Variants in MIR2052HG observed in about 807,000 individuals in gnomAD.
The protein encoded by MIR2052HG is MIR2052 host gene.
intron 1 of MIR2052HG, chr8:74,604,234 C>T: frequency 2.2e-6 from 2 of 892,800 alleles, no homozygotes; most frequent in Non-Finnish European, 3.8e-6. Flanking sequence ...TTCAATCACA[C>T]TGGTTTCCAT....
intron 4 of MIR2052HG, among the ~76,000 whole-genome samples, chr8:74,746,930 G>A (rs1273471036): frequency 6.6e-6 from 1 of 152,108 alleles, no homozygotes; most frequent in Non-Finnish European, 1.5e-5. Flanking sequence ...GAGTTACCAT[G>A]CTCTTTAAAA....
chr8:74,746,151 C>T (rs1212763023), intron 4 of MIR2052HG, among the ~76,000 whole-genome samples: 3 of 152,096 alleles, frequency 2.0e-5, no homozygotes, highest in South Asian at 2.1e-4. Flanking sequence ...CTCAATCACT[C>T]GCAATGTATT....
At chr8:74,605,233 C>A (rs182240677) in intron 1 of MIR2052HG, among the ~76,000 whole-genome samples, 2 of 152,270 alleles carry the variant, frequency 1.3e-5, no homozygotes, top group Non-Finnish European at 2.9e-5. Flanking sequence ...TGAGGGGTAA[C>A]TGACCGAATT....
At chr8:74,706,807 C>A (rs574758641) in intron 4 of MIR2052HG, among the ~76,000 whole-genome samples, 1 of 152,112 alleles carries the variant, frequency 6.6e-6, no homozygotes, top group East Asian at 1.9e-4. Context: ...GACTGGACAG[C>A]TCTCAGAAAA....
In MIR2052HG at chr8:74,640,091, A is replaced by C. The variant is rs150236194; in HGVS notation, n.216+27151A>C. On this transcript the variant is annotated intron_variant and non_coding_transcript_variant, in intron 2 of 6. Transcript: ENST00000523442. ...TATCTTACTTTCACTTCTTTAATCCATAGTTTGAAAGCAAGAGCATTTAAA... is the reference window on the plus strand; with the variant it reads ...TATCTTACTTTCACTTCTTTAATCCCTAGTTTGAAAGCAAGAGCATTTAAA... 3.3e-3 allele frequency among the ~76,000 whole-genome samples: 499 copies of C among 152,218 alleles called. 1 individual carries two copies. The highest frequency in any genetic ancestry group is 9.4e-3 in the African/African-American group (391 of 41,542).
chr8:74,649,125 C>T lies in MIR2052HG; in HGVS notation n.216+36185C>T, dbSNP rs967691706. On this transcript the variant is annotated intron_variant and non_coding_transcript_variant, in intron 2 of 6. Transcript: ENST00000523442. ...GTAAACTGATGTTTGTGGCTTAGCT[C>T]GATTTTTGGTAATTTAAAAGATAAT... Among the ~76,000 whole-genome samples the T allele has an allele frequency of 7.3e-5, 11 of 151,358 alleles. No individual in the cohort carries two copies. The East Asian group carries it at 1.4e-3, about 19-fold the overall frequency.
At chr8:74,671,084 T>C (rs1407441097) in intron 2 of MIR2052HG, among the ~76,000 whole-genome samples, 2 of 151,060 alleles carry the variant, frequency 1.3e-5, no homozygotes, top group East Asian at 1.9e-4. Context: ...AAGTCAGGTG[T>C]GTGTAATAGT....
rs540399815 is a variant in MIR2052HG, at chr8:74,729,881, C to T, written n.372-22560C>T. On this transcript the variant is annotated intron_variant and non_coding_transcript_variant, in intron 4 of 6. Coordinates refer to ENST00000523442, the Ensembl canonical transcript of MIR2052HG. ...CAGCACTTTTTGAAAGATTTTTGTG[C>T]TCTATGGTTGTAAATGTATACACAT... is the stretch of plus-strand genomic sequence containing the variant. Among the ~76,000 whole-genome samples, 10 of 152,178 alleles carry T rather than the reference C, an allele frequency of 6.6e-5. 1 individual carries two copies. The South Asian group carries it at 2.1e-3, about 32-fold the overall frequency.
At chr8:74,603,413 TC>T in intron 1 of MIR2052HG, 2 of 1,610,424 alleles carry the variant, frequency 1.2e-6, no homozygotes, top group Non-Finnish European at 8.5e-7. Context: ...TCCACTGGGT[TC>T]GCAATTTTGA....
chr8:74,674,483 A>G (rs781207144), intron 2 of MIR2052HG, among the ~76,000 whole-genome samples: 1 of 152,008 alleles, frequency 6.6e-6, no homozygotes, highest in Non-Finnish European at 1.5e-5. Context: ...ATTAAACATA[A>G]TATTGAAAGA....
In MIR2052HG at chr8:74,676,740, G is replaced by A. The variant is rs944229318; in HGVS notation, n.217-25639G>A. 7.9e-5 allele frequency among the ~76,000 whole-genome samples: 12 copies of A among 151,898 alleles called. 1 individual carries two copies. The highest frequency in any genetic ancestry group is 4.6e-4 in the Admixed American group (7 of 15,224). Reference sequence around the variant, plus strand: ...TCTAATATATACCATGGTGACTACCGTTAATAATAATGCATTGTATGCTTG... The same window carrying A: ...TCTAATATATACCATGGTGACTACCATTAATAATAATGCATTGTATGCTTG... On this transcript the variant is annotated intron_variant and non_coding_transcript_variant, in intron 2 of 6. Transcript: ENST00000523442.
At chr8:74,676,386 T>C (rs1283314575) in intron 2 of MIR2052HG, among the ~76,000 whole-genome samples, 1 of 152,018 alleles carries the variant, frequency 6.6e-6, no homozygotes, top group East Asian at 1.9e-4. Flanking sequence ...AAATGATTTA[T>C]GGTTCTTATC....
At chr8:74,742,067 CA>C (rs1338784018) in intron 4 of MIR2052HG, among the ~76,000 whole-genome samples, 5 of 152,144 alleles carry the variant, frequency 3.3e-5, no homozygotes, top group Admixed American at 3.3e-4. Flanking sequence ...TTCACAAATA[CA>C]GAAGCTCCAA....
At chr8:74,647,188 T>C (rs763437306) in intron 2 of MIR2052HG, among the ~76,000 whole-genome samples, 3 of 152,144 alleles carry the variant, frequency 2.0e-5, no homozygotes, top group Non-Finnish European at 4.4e-5. Flanking sequence ...TTCTGTCTCT[T>C]ACATATACAC....
At chr8:74,739,015 G>T (rs1181572706) in intron 4 of MIR2052HG, among the ~76,000 whole-genome samples, 2 of 152,160 alleles carry the variant, frequency 1.3e-5, no homozygotes, top group East Asian at 3.9e-4. Flanking sequence ...AAGTGTTGAG[G>T]TTATAAAGTT....
At chr8:74,618,172 C>T (rs1434958246) in intron 2 of MIR2052HG, among the ~76,000 whole-genome samples, 2 of 152,190 alleles carry the variant, frequency 1.3e-5, no homozygotes, top group Non-Finnish European at 2.9e-5. Flanking sequence ...TCAGGGCTCT[C>T]TTTTCTCAAA....
intron 2 of MIR2052HG, among the ~76,000 whole-genome samples, chr8:74,668,556 T>C (rs899815558): frequency 2.0e-5 from 3 of 152,216 alleles, no homozygotes; most frequent in Middle Eastern, 3.2e-3. Flanking sequence ...CTATCCCTAC[T>C]TTCTAAAGAT....
chr8:74,634,580 A>C (rs1808558080), intron 2 of MIR2052HG, among the ~76,000 whole-genome samples: 1 of 152,124 alleles, frequency 6.6e-6, no homozygotes, highest in Admixed American at 6.5e-5. Context: ...ATATTTACTC[A>C]GTGCTTAATC....
chr8:74,611,307 C>T (rs1006868404), intron 1 of MIR2052HG, among the ~76,000 whole-genome samples: 1 of 152,056 alleles, frequency 6.6e-6, no homozygotes, highest in Non-Finnish European at 1.5e-5. Flanking sequence ...ATTAAAAACA[C>T]TGACAACATC....
Sources: allele counts gnomAD v4.1 joint callset (sites outside exome capture counted in the v4.1 genomes callset), GRCh38; gene constraint gnomAD v4.1.1; transcripts MANE v1.5; gene names NCBI Gene and HGNC (gene_info 2026-07-23, HGNC 2026-07-21).